The following CYRIB variants were observed in gnomAD, a reference collection of about 807,000 sequenced individuals.
The protein encoded by CYRIB is CYFIP-related Rac1 interactor B.
In CYRIB, 8 loss-of-function variants were observed where a neutral mutation model predicts 44.2. The observed-to-expected ratio is 0.18, with a 90% CI of 0.11 to 0.33. The LOEUF is 0.33. Among genes scored for constraint, CYRIB ranks in the 10% least tolerant of loss-of-function variants. The probability of loss-of-function intolerance (pLI) is 1.00; values close to 1 mark genes in which losing one functional copy is unlikely to be tolerated. For synonymous variants in CYRIB, 131 were observed against 127.2 expected, an observed-to-expected ratio of 1.03 and a Z score of -0.20; for missense variants, 185 against 382.8, an observed-to-expected ratio of 0.48 and a Z score of 4.31.
At chr8:129,911,628 T>C (rs1469413798) in intron 1 of CYRIB, among the ~76,000 whole-genome samples, 8 of 151,852 alleles carry the variant, frequency 5.3e-5, no homozygotes, top group African/African-American at 1.9e-4. Context: ...GGTGAAACCC[T>C]GTCCCTCCTA....
upstream of CYRIB, among the ~76,000 whole-genome samples, chr8:129,940,660 G>C (rs768336081): frequency 3.3e-5 from 5 of 152,014 alleles, no homozygotes; most frequent in Non-Finnish European, 7.3e-5. Flanking sequence ...TCCTAATCCT[G>C]TTATAAAGCT....
upstream of CYRIB, among the ~76,000 whole-genome samples, chr8:129,944,536 A>G (rs1322817342): frequency 1.3e-5 from 2 of 152,172 alleles, no homozygotes; most frequent in South Asian, 2.1e-4. Flanking sequence ...TAATCCCAGC[A>G]GTGTGAGAGG....
At chr8:129,992,696 T>C (rs1449712348) in intron 1 of CYRIB, among the ~76,000 whole-genome samples, 1 of 152,242 alleles carries the variant, frequency 6.6e-6, no homozygotes, top group African/African-American at 2.4e-5. Context: ...CCATTGTTCG[T>C]ATCTCTACCT....
chr8:129,905,233 T>TGATA (rs1268418267), intron 1 of CYRIB, among the ~76,000 whole-genome samples: 2 of 151,826 alleles, frequency 1.3e-5, no homozygotes, highest in Non-Finnish European at 2.9e-5. Flanking sequence ...ATTGATTGAT[T>TGATA]TTGAGATGGA....
chr8:129,932,122 C>T (rs1046856736), intron 1 of CYRIB, among the ~76,000 whole-genome samples: 5 of 151,770 alleles, frequency 3.3e-5, no homozygotes, highest in African/African-American at 1.2e-4. Context: ...CCTCAGCCTC[C>T]TGAGTAGCTG....
intron 2 of CYRIB, 96 bp from the exon 5 acceptor site, chr8:129,879,567 A>AT: frequency 1.1e-6 from 1 of 895,176 alleles, no homozygotes; most frequent in Non-Finnish European, 1.7e-6. Context: ...GAAAATGTTC[A>AT]TTAGGCCATG....
chr8:129,898,025 A>G (rs1415545513), intron 2 of CYRIB, among the ~76,000 whole-genome samples: 2 of 151,976 alleles, frequency 1.3e-5, no homozygotes, highest in Non-Finnish European at 2.9e-5. Flanking sequence ...CGGCCTCTCA[A>G]GGTGCTGGAA....
chr8:129,987,030 T>G (rs868814437), intron 1 of CYRIB, among the ~76,000 whole-genome samples: 1 of 152,192 alleles, frequency 6.6e-6, no homozygotes, highest in African/African-American at 2.4e-5. Flanking sequence ...GAGACTTCTC[T>G]CACACTTTGG....
chr8:129,935,123 G>A (rs1172331076), intron 1 of CYRIB, among the ~76,000 whole-genome samples: 2 of 152,136 alleles, frequency 1.3e-5, no homozygotes, highest in East Asian at 1.9e-4. Context: ...ACTTTGGTCC[G>A]AGAACAGTAT....
intron 5 of CYRIB, 106 bp downstream of exon 7, chr8:129,862,123 T>C: frequency 1.3e-6 from 1 of 772,046 alleles, no homozygotes; most frequent in Non-Finnish European, 2.2e-6. Flanking sequence ...ATAAAACAGA[T>C]ACTAAGCCAA....
upstream of CYRIB, among the ~76,000 whole-genome samples, chr8:129,940,563 C>T (rs964033001): frequency 1.3e-5 from 2 of 152,206 alleles, no homozygotes; most frequent in Admixed American, 1.3e-4. Context: ...CTCTTAATTA[C>T]TTCCCTAATT....
chr8:129,906,007 G>A (rs1267888633), intron 1 of CYRIB, among the ~76,000 whole-genome samples: 6 of 152,044 alleles, frequency 3.9e-5, no homozygotes, highest in Non-Finnish European at 7.4e-5. Context: ...AATCAATATC[G>A]TGAAAATGGC....
intron 1 of CYRIB, among the ~76,000 whole-genome samples, chr8:129,974,152 T>C (rs113136069): frequency 4.6e-5 from 7 of 152,196 alleles, no homozygotes; most frequent in Non-Finnish European, 2.9e-5. Context: ...CAGCACTCTG[T>C]AGGAGACTCT....
chr8:129,928,508 T>C (rs537134511), intron 1 of CYRIB, among the ~76,000 whole-genome samples: 3 of 151,218 alleles, frequency 2.0e-5, no homozygotes, highest in Non-Finnish European at 3.0e-5. Flanking sequence ...CCGAAACAGA[T>C]GGAAAAAATG....
intron 2 of CYRIB, chr8:129,901,595 CACTA>C (rs1180092857): frequency 6.6e-6 from 1 of 152,184 alleles, no homozygotes; most frequent in African/African-American, 2.4e-5. Context: ...GCTGAATTTT[CACTA>C]ACTGAGGTTC....
intron 10 of CYRIB, among the ~76,000 whole-genome samples, chr8:129,847,697 C>T (rs943760525): frequency 7.2e-5 from 11 of 152,106 alleles, no homozygotes; most frequent in South Asian, 2.1e-4. Context: ...CACTTGATGA[C>T]GATGGTATTT....
intron 1 of CYRIB, among the ~76,000 whole-genome samples, chr8:129,932,395 T>G (rs551330511): frequency 1.3e-5 from 2 of 152,182 alleles, no homozygotes; most frequent in African/African-American, 2.4e-5. Flanking sequence ...ATATAATGTA[T>G]TCCTCCAGAG....
chr8:129,868,090 CTA>C (rs1306052367), intron 4 of CYRIB, among the ~76,000 whole-genome samples: 3 of 152,150 alleles, frequency 2.0e-5, no homozygotes, highest in Non-Finnish European at 4.4e-5. Context: ...TTAATTAACA[CTA>C]TTAGCAATTT....
At chr8:129,958,763 TAAAAAAA>T (rs532997313) in intron 2 of CYRIB, among the ~76,000 whole-genome samples, 1 of 130,034 alleles carries the variant, frequency 7.7e-6, no homozygotes, top group Non-Finnish European at 1.7e-5. Context: ...ACCACTGGTT[TAAAAAAA>T]AAAAAAAAAA....
Sources: gnomAD v4.1 joint callset for allele counts (sites outside exome capture counted in the v4.1 genomes callset) on GRCh38, gnomAD v4.1.1 for gene constraint, MANE v1.5 for transcripts, NCBI Gene and HGNC (gene_info 2026-07-23, HGNC 2026-07-21) for gene names.